F13A1: variants seen among roughly 807,000 people sequenced by gnomAD.
The protein encoded by F13A1 is coagulation factor XIII A chain.
In F13A1, 47 loss-of-function variants were observed where a neutral mutation model predicts 80.1. The observed-to-expected ratio is 0.59, with a 90% CI of 0.46 to 0.75. The LOEUF (loss-of-function observed/expected upper bound fraction) is 0.75, where lower values mean the gene tolerates loss of function less well. F13A1 is among the 30% of genes least tolerant of loss of function. F13A1 has a pLI of 0.00. For synonymous variants in F13A1, 349 were observed against 344.9 expected (o/e 1.01, Z -0.13); for missense variants, 817 against 930.4 (o/e 0.88, Z 1.59).
intron 13 of F13A1, among the ~76,000 whole-genome samples, chr6:6,158,619 G>T (rs1760518831): frequency 6.6e-6 from 1 of 152,154 alleles, no homozygotes; most frequent in Non-Finnish European, 1.5e-5. Context: ...TGAAGGGTGT[G>T]GGTGTGGGCA....
At chr6:6,213,105 G>T (rs1306707701) in intron 8 of F13A1, among the ~76,000 whole-genome samples, 10 of 152,188 alleles carry the variant, frequency 6.6e-5, no homozygotes, top group Admixed American at 6.5e-4. Context: ...AAAACACTCT[G>T]CAGGATACTA....
At chr6:6,171,307 G>A (rs948719647) in intron 12 of F13A1, among the ~76,000 whole-genome samples, 1 of 152,164 alleles carries the variant, frequency 6.6e-6, no homozygotes, top group African/African-American at 2.4e-5. Context: ...CTGTGTGGGG[G>A]CTTGAACACA....
chr6:6,318,719 G>A (rs750083050), intron 1 of F13A1, 37 bp from the exon 2 acceptor site: 2 of 1,590,070 alleles, frequency 1.3e-6, no homozygotes, highest in African/African-American at 1.4e-5. Context: ...AACAGAAAAG[G>A]CATGTAAAGT....
intron 12 of F13A1, among the ~76,000 whole-genome samples, chr6:6,168,974 G>T (rs1200282938): frequency 2.0e-5 from 3 of 152,192 alleles, no homozygotes; most frequent in Non-Finnish European, 4.4e-5. Context: ...CTTCTATTTG[G>T]AAGTCTCTTT....
chr6:6,176,902 T>A (rs1407028393), intron 11 of F13A1, among the ~76,000 whole-genome samples: 1 of 152,186 alleles, frequency 6.6e-6, no homozygotes, highest in Non-Finnish European at 1.5e-5. Context: ...CAGCCTGCCA[T>A]GGGTGCAGGA....
At chr6:6,207,274 C>T (rs1184219431) in intron 8 of F13A1, among the ~76,000 whole-genome samples, 4 of 152,180 alleles carry the variant, frequency 2.6e-5, no homozygotes, top group Non-Finnish European at 5.9e-5. Flanking sequence ...AGCTCTTTCT[C>T]TCCAAATTGC....
At chr6:6,202,925 A>G (rs1420500214) in intron 8 of F13A1, among the ~76,000 whole-genome samples, 1 of 152,204 alleles carries the variant, frequency 6.6e-6, no homozygotes, top group Non-Finnish European at 1.5e-5. Context: ...CTGCTGGGGG[A>G]CCCTACATGG....
intron 4 of F13A1, among the ~76,000 whole-genome samples, chr6:6,254,704 T>C (rs1464670571): frequency 1.3e-5 from 2 of 152,190 alleles, no homozygotes; most frequent in African/African-American, 4.8e-5. Context: ...GCCATGTAAA[T>C]GTACATGTGT....
chr6:6,180,572 G>A (rs1476185617), intron 11 of F13A1, among the ~76,000 whole-genome samples: 1 of 152,154 alleles, frequency 6.6e-6, no homozygotes, highest in Admixed American at 6.5e-5. Context: ...CAGTAAGAGG[G>A]CATTGCTTGT....
At chr6:6,197,123 G>T in intron 9 of F13A1, 100 bp downstream of exon 9, 2 of 1,051,408 alleles carry the variant, frequency 1.9e-6, no homozygotes, top group South Asian at 1.3e-5. Context: ...TTCAGATGTT[G>T]CCTCCCAATG....
At chr6:6,280,105 T>A (rs1223267231) in intron 3 of F13A1, among the ~76,000 whole-genome samples, 1 of 152,180 alleles carries the variant, frequency 6.6e-6, no homozygotes, top group East Asian at 1.9e-4. Context: ...TATGGTACAG[T>A]CCATCTAGTA....
At chr6:6,201,187 T>G (rs1761387537) in intron 8 of F13A1, among the ~76,000 whole-genome samples, 1 of 152,222 alleles carries the variant, frequency 6.6e-6, no homozygotes, top group Non-Finnish European at 1.5e-5. Context: ...AAATATGCTT[T>G]GCACTTCAGA....
At chr6:6,212,170 GC>G (rs1338379800) in intron 8 of F13A1, among the ~76,000 whole-genome samples, 1 of 152,256 alleles carries the variant, frequency 6.6e-6, no homozygotes, top group African/African-American at 2.4e-5. Context: ...ACTGGGTGGA[GC>G]CCACCACAGC....
At position 6,151,873 on chromosome 6, in the gene F13A1, C is replaced by T. The variant is rs781240042; in HGVS notation, c.1985G>A (p.Arg662Gln). ...EFTNPLKETL[R>Q]NVWVHLDGPG... ...ACCATCCAGGTGTACCCAGACATTT[C>T]GCAGGGTTTCTTTTAAAGGATTGGT... The change falls in exon 14 of 15, where the codon CGA becomes CAA. Residue 662 changes from arginine to glutamine, a missense_variant. Physicochemically the swap from Arg to Gln is conservative, Grantham distance 43 (BLOSUM62 1). Transcript: ENST00000264870. 115 of 1,613,964 alleles carry T rather than the reference C, an allele frequency of 7.1e-5. No homozygotes were observed. Among genetic ancestry groups the T allele is most frequent in the Admixed American group, 6.3e-4 (38 of 60,002 alleles).
chr6:6,153,752 G>T (rs562387938), intron 13 of F13A1, among the ~76,000 whole-genome samples: 8 of 152,200 alleles, frequency 5.3e-5, no homozygotes, highest in African/African-American at 1.7e-4. Context: ...ATTTATTTGA[G>T]GCACCCCTGT....
At chr6:6,282,279 A>T (rs1758077734) in intron 3 of F13A1, among the ~76,000 whole-genome samples, 1 of 152,186 alleles carries the variant, frequency 6.6e-6, no homozygotes. Flanking sequence ...ACGGGCCTGA[A>T]ACATCTTACT....
At chr6:6,172,453 T>G (rs1362854037) in intron 12 of F13A1, among the ~76,000 whole-genome samples, 2 of 148,536 alleles carry the variant, frequency 1.3e-5, no homozygotes, top group African/African-American at 4.9e-5. Context: ...ACTATAGTGT[T>G]TTTTTTTTTT....
intron 3 of F13A1, among the ~76,000 whole-genome samples, chr6:6,274,132 G>C (rs1757956805): frequency 6.6e-6 from 1 of 152,176 alleles, no homozygotes; most frequent in African/African-American, 2.4e-5. Flanking sequence ...GGTAGGGTTG[G>C]GGGGAAACTT....
chr6:6,316,885 G>T (rs1014818332), intron 2 of F13A1, among the ~76,000 whole-genome samples: 1 of 152,210 alleles, frequency 6.6e-6, no homozygotes, highest in Non-Finnish European at 1.5e-5. Flanking sequence ...GCAAGAAGTG[G>T]CAGATGTGGA....
Sources: gnomAD v4.1 joint callset for allele counts (sites outside exome capture counted in the v4.1 genomes callset) on GRCh38, gnomAD v4.1.1 for gene constraint, MANE v1.5 for transcripts, NCBI Gene and HGNC (gene_info 2026-07-23, HGNC 2026-07-21) for gene names.